PRRG1: variants seen among roughly 807,000 people sequenced by gnomAD.
PRRG1 encodes proline rich and Gla domain 1.
A neutral mutation model predicts 11.8 loss-of-function variants in PRRG1; 5 were observed. The ratio of observed to expected loss-of-function variants is 0.42; its 90% CI spans 0.22 to 0.89. The LOEUF is 0.89. Ranked by LOEUF, PRRG1 falls within the 40% of genes least tolerant of loss-of-function variation. The pLI, the probability that PRRG1 is intolerant of heterozygous loss-of-function variation, is 0.28. For missense variants in PRRG1, 155 were observed against 166.1 expected, an observed-to-expected ratio of 0.93 and a Z score of 0.37; for synonymous variants, 66 against 60.4, an observed-to-expected ratio of 1.09 and a Z score of -0.43.
At chrX:37,408,408 C>T (rs1461312922) in intron 2 of PRRG1, among the ~76,000 whole-genome samples, 1 of 111,897 alleles carries the variant, frequency 8.9e-6, no homozygotes, top group Admixed American at 9.5e-5. Context: ...ATGTCGTTGA[C>T]ATAGCCTGCG....
At chrX:37,438,109 G>T (rs1042438276) in intron 3 of PRRG1, among the ~76,000 whole-genome samples, 1 of 110,559 alleles carries the variant, frequency 9.0e-6, no homozygotes, top group African/African-American at 3.3e-5. Context: ...CTACTCGAGA[G>T]GGGGAAGCAG....
intron 3 of PRRG1, among the ~76,000 whole-genome samples, chrX:37,450,022 A>G (rs1921059763): frequency 8.9e-6 from 1 of 112,600 alleles, no homozygotes; most frequent in Admixed American, 9.4e-5. Context: ...TTCCAAATAA[A>G]TCTGTCATTG....
At chrX:37,378,170 G>T (rs1342619139) in intron 1 of PRRG1, among the ~76,000 whole-genome samples, 1 of 112,011 alleles carries the variant, frequency 8.9e-6, no homozygotes, top group Non-Finnish European at 1.9e-5. Flanking sequence ...TAATTTAATG[G>T]ATGTTTGTTT....
intron 1 of PRRG1, among the ~76,000 whole-genome samples, chrX:37,382,928 C>A (rs1931198404): frequency 9.0e-6 from 1 of 111,586 alleles, no homozygotes; most frequent in African/African-American, 3.3e-5. Flanking sequence ...CATTTCTCTT[C>A]TGCTTTCTCT....
At chrX:37,442,983 A>T (rs1235788369) in intron 3 of PRRG1, among the ~76,000 whole-genome samples, 1 of 112,378 alleles carries the variant, frequency 8.9e-6, no homozygotes, top group Non-Finnish European at 1.9e-5. Flanking sequence ...TGATATGAAT[A>T]GAAAGTAGAT....
At chrX:37,369,071 GA>G (rs1372657149) in intron 1 of PRRG1, among the ~76,000 whole-genome samples, 5 of 111,266 alleles carry the variant, frequency 4.5e-5, no homozygotes, top group Non-Finnish European at 9.5e-5. Context: ...TTATATAGAG[GA>G]AAAAAAGGAT....
chrX:37,362,854 A>G (rs181731212), intron 1 of PRRG1, among the ~76,000 whole-genome samples: 12 of 111,429 alleles, frequency 1.1e-4, no homozygotes, highest in African/African-American at 3.6e-4. Flanking sequence ...GGGGGCCTGG[A>G]GCAAATCCTG....
chrX:37,403,527 C>T (rs1369742046), intron 1 of PRRG1, among the ~76,000 whole-genome samples: 3 of 103,160 alleles, frequency 2.9e-5, no homozygotes, highest in African/African-American at 1.1e-4. Flanking sequence ...ATACCTAAGG[C>T]TAAATGACGA....
chrX:37,376,689 G>C (rs1236443320), intron 1 of PRRG1, among the ~76,000 whole-genome samples: 1 of 102,838 alleles, frequency 9.7e-6, no homozygotes, highest in Non-Finnish European at 2.0e-5. Flanking sequence ...TAATCTCTTA[G>C]CAACCAGGAC....
At chrX:37,434,981 C>T (rs782086391) in intron 3 of PRRG1, among the ~76,000 whole-genome samples, 91 of 112,082 alleles carry the variant, frequency 8.1e-4, no homozygotes, top group African/African-American at 2.9e-3. Context: ...GTTAAGCGTG[C>T]ATAGGAACAG....
In PRRG1 at chrX:37,407,046, A is replaced by T. The variant is rs984141964; in HGVS notation, c.10+787A>T. Among the ~76,000 whole-genome samples the T allele has an allele frequency of 6.2e-5, 7 of 112,275 alleles. No individual in the cohort carries two copies. The Admixed American group carries it at 6.6e-4, about 11-fold the overall frequency. ...TAGGATATTTTAACAGAATTTTAAC[A>T]TCTTTCTATGTAAGGCTTACTGCAT... On this transcript the variant is annotated intron_variant, in intron 2 of 3. Transcript: ENST00000378628.
intron 3 of PRRG1, 138 bp from the exon 4 acceptor site, chrX:37,452,998 C>T (rs1183271139): frequency 3.2e-6 from 2 of 623,823 alleles, no homozygotes; most frequent in Non-Finnish European, 4.8e-6. Context: ...AAAATATAGA[C>T]TTGTAGGTCC....
intron 1 of PRRG1, among the ~76,000 whole-genome samples, chrX:37,364,899 A>G (rs1455626157): frequency 8.9e-6 from 1 of 112,358 alleles, no homozygotes; most frequent in African/African-American, 3.2e-5. Flanking sequence ...AAACAGCCTT[A>G]TTTAAGTCAG....
At chrX:37,397,799 G>A (rs1931768471) in intron 1 of PRRG1, among the ~76,000 whole-genome samples, 1 of 110,661 alleles carries the variant, frequency 9.0e-6, no homozygotes. Context: ...GTAATGCCAG[G>A]GTGGGTTATC....
At chrX:37,419,578 C>T (rs1322491739) in intron 2 of PRRG1, among the ~76,000 whole-genome samples, 1 of 111,399 alleles carries the variant, frequency 9.0e-6, no homozygotes, top group Non-Finnish European at 1.9e-5. Context: ...TTAATAATGG[C>T]TCAAGGTATG....
rs148677529 is a variant in PRRG1 at position 37,456,347 on chromosome X, A to C, written c.*2726A>C. The C allele has an allele frequency of 5.3e-5, 6 of 112,451 alleles. No homozygotes were observed. In the East Asian group the frequency reaches 1.4e-3, roughly 26 times the overall value. 9.3% of individuals were successfully genotyped at this position (112,451 alleles called of 1,213,427 possible). On this transcript the variant is annotated 3_prime_UTR_variant, in exon 4 of 4. Coordinates refer to ENST00000378628, the MANE Select transcript of PRRG1 (RefSeq NM_001142395.2). ...TTCTTGCAACTTTATTTTACATTTT[A>C]AACTGCTGATATTGGATATAATGCT...
chrX:37,390,700 G>A (rs1931494383), intron 1 of PRRG1, among the ~76,000 whole-genome samples: 1 of 111,967 alleles, frequency 8.9e-6, no homozygotes, highest in Non-Finnish European at 1.9e-5. Flanking sequence ...GTCCAGGATC[G>A]TCTTCTTCAG....
At chrX:37,353,446 G>T (rs1556365286) in intron 1 of PRRG1, among the ~76,000 whole-genome samples, 1 of 111,591 alleles carries the variant, frequency 9.0e-6, no homozygotes, top group African/African-American at 3.3e-5. Context: ...ATTGAAGAAA[G>T]AATTACATTT....
At chrX:37,443,139 G>A (rs1556394374) in intron 3 of PRRG1, among the ~76,000 whole-genome samples, 1 of 111,463 alleles carries the variant, frequency 9.0e-6, no homozygotes, top group African/African-American at 3.3e-5. Context: ...TAGTGGCTGA[G>A]GAAATGAAGA....
Sources: gnomAD v4.1 joint callset for allele counts (sites outside exome capture counted in the v4.1 genomes callset) on GRCh38, gnomAD v4.1.1 for gene constraint, MANE v1.5 for transcripts, NCBI Gene and HGNC (gene_info 2026-07-23, HGNC 2026-07-21) for gene names.